AMY2A: variants seen among roughly 807,000 people sequenced by gnomAD.
AMY2A encodes amylase alpha 2A.
In AMY2A, 16 loss-of-function variants were observed where a neutral mutation model predicts 43.0. The observed-to-expected ratio is 0.37, with a 90% CI of 0.25 to 0.56. The LOEUF (loss-of-function observed/expected upper bound fraction) is 0.56. Ranked by LOEUF, AMY2A falls within the 20% of genes least tolerant of loss-of-function variation. The pLI is 0.77. For missense variants in AMY2A, 212 were observed against 456.8 expected, an observed-to-expected ratio of 0.46 and a Z score of 4.89; for synonymous variants, 70 against 144.6, an observed-to-expected ratio of 0.48 and a Z score of 3.70.
rs1342502417 is a variant in AMY2A at position 103,618,870 on chromosome 1, C to T, written c.316-41C>T. 1.8e-5 allele frequency: 12 copies of T among 668,058 alleles called. No individual in the cohort carries two copies. The African/African-American group carries it at 2.0e-4, about 11-fold the overall frequency. The allele number at this position is 668,058 out of a possible 1,614,324, so 41.4% of individuals were successfully genotyped here. ...CATCAATAATGCTTTAAATTTCTAC[C>T]TCTCTGTAAGTCACACTGAAGTAGA... On this transcript the variant is annotated intron_variant, in intron 2 of 9. Transcript: ENST00000414303.
rs528511235 is a variant in AMY2A at position 103,618,374 on chromosome 1, G to A, written c.315+274G>A. On this transcript the variant is annotated intron_variant, in intron 2 of 9. Coordinates refer to ENST00000414303, the MANE Select transcript of AMY2A (RefSeq NM_000699.4). ...ACCCTTATAACTGTTCGTATTTCCC[G>A]GAAACAATTTACTGGTTAGGAAGTA... Among the ~76,000 whole-genome samples the A allele has an allele frequency of 3.9e-4, 58 of 150,576 alleles. 4 individuals carry two copies. The highest frequency in any genetic ancestry group is 3.4e-3 in the Middle Eastern group (1 of 294).
At chr1:103,619,869 T>C (rs1188403951) in intron 4 of AMY2A, 85 bp downstream of exon 4, 2 of 1,563,740 alleles carry the variant, frequency 1.3e-6, no homozygotes, top group East Asian at 2.3e-5. Flanking sequence ...GCAATTTCTG[T>C]AGGATAAGGA....
intron 1 of AMY2A, 25 bp from the exon 2 acceptor site, chr1:103,617,929 C>T (rs371190351): frequency 1.3e-6 from 2 of 1,599,982 alleles, no homozygotes; most frequent in South Asian, 2.2e-5. Flanking sequence ...GAATTTGGTA[C>T]TTATGAAGAC....
At position 103,623,243 on chromosome 1, in the gene AMY2A, AT is replaced by A. The variant is rs1653235011; in HGVS notation, c.1102-622del. Among the ~76,000 whole-genome samples the A allele has an allele frequency of 4.0e-5, 5 of 126,554 alleles. No homozygotes were observed. In the South Asian group the frequency reaches 1.3e-3, roughly 32 times the overall value. The allele number at this position is 126,554 out of a possible 152,430, so 83.0% of individuals were successfully genotyped here. On this transcript the variant is annotated intron_variant, in intron 7 of 9. Coordinates refer to ENST00000414303, the MANE Select transcript of AMY2A (RefSeq NM_000699.4). ...TTCTCAGGTACTAGTAATAGAGCCT[AT>A]GTTTTAATCCTGGTGTTTCTAGTAC... is the stretch of plus-strand genomic sequence containing the variant.
intron 7 of AMY2A, among the ~76,000 whole-genome samples, chr1:103,623,496 T>A: frequency 1.3e-5 from 1 of 79,260 alleles, no homozygotes; most frequent in Non-Finnish European, 2.4e-5. Flanking sequence ...ACACCAACAG[T>A]CTTAGCTACT....
chr1:103,618,216 C>A (rs1653133905), intron 2 of AMY2A, 116 bp downstream of exon 2: 2 of 1,437,748 alleles, frequency 1.4e-6, no homozygotes, highest in Non-Finnish European at 1.9e-6. Context: ...AATTTTACTT[C>A]ATAATTTAAA....
chr1:103,619,957 T>G (rs574008837), intron 4 of AMY2A, 173 bp downstream of exon 4: 35 of 1,376,796 alleles, frequency 2.5e-5, no homozygotes, highest in Middle Eastern at 2.1e-4. Context: ...TATCACAACA[T>G]GTTTTATGGA....
At chr1:103,617,106 C>T (rs777320056), upstream of AMY2A, 104 of 941,690 alleles carry the variant, frequency 1.1e-4, no homozygotes, top group Non-Finnish European at 1.4e-4. Flanking sequence ...TTTTGTATGC[C>T]ATTCTGGATC....
rs775412654 is a variant in AMY2A at position 103,618,120 on chromosome 1, C to T, written c.315+20C>T. The T allele has an allele frequency of 1.9e-6, 3 of 1,589,032 alleles. No homozygotes were observed. Among genetic ancestry groups the T allele is most frequent in the Non-Finnish European group, 8.6e-7 (1 of 1,162,756 alleles). On this transcript the variant is annotated intron_variant, in intron 2 of 9. Transcript: ENST00000414303. ...GTTGGGGTAAGTGAATTCTAGTTTCCTTTAAAAATAACAGACAGGAAAATG... is the reference window on the plus strand; with the variant it reads ...GTTGGGGTAAGTGAATTCTAGTTTCTTTTAAAAATAACAGACAGGAAAATG...
rs774642692 is a variant in AMY2A at position 103,617,523 on chromosome 1, T to C, written c.83T>C (p.Ile28Thr). Residue 28 changes from isoleucine to threonine, a missense_variant, in exon 1 of 10, where the codon ATT (isoleucine) becomes ACT (threonine). By Grantham distance (89) the Ile-to-Thr change is moderately conservative. Around this residue, in one of 2 missense-constraint regions of AMY2A, gnomAD observed 199 missense variants for 210.6 expected, o/e 0.94. Transcript: ENST00000414303. ...AATACACAACAAGGACGGACATCTA[T>C]TGTTCATCTGTTTGAATGGCGATGG... ...SPNTQQGRTS[I>T]VHLFEWRWVD... The C allele has an allele frequency of 3.1e-6, 5 of 1,600,818 alleles. No individual in the cohort carries two copies. The South Asian group carries it at 5.5e-5, about 18-fold the overall frequency.
chr1:103,616,874 T>C (rs1016461809), upstream of AMY2A: 17 of 529,142 alleles, frequency 3.2e-5, 1 homozygote, highest in Non-Finnish European at 4.2e-5. Context: ...GTGTCAGGGC[T>C]GAGTGTTCTG....
upstream of AMY2A, chr1:103,617,239 C>A: frequency 1.6e-6 from 2 of 1,223,056 alleles, no homozygotes; most frequent in Non-Finnish European, 2.2e-6. Context: ...ACATTAATAT[C>A]TAAAAGGTCA....
rs188424843 is a variant in AMY2A, at chr1:103,618,538, C to T, written c.316-373C>T. 2.7e-5 allele frequency among the ~76,000 whole-genome samples: 4 copies of T among 150,762 alleles called. No individual in the cohort carries two copies. The East Asian group carries it at 7.7e-4, about 29-fold the overall frequency. ...TGAGATTAATAGCTACCTTGTTTGT[C>T]TTCAAAAGCTTCATAGAGAGTACAG... On this transcript the variant is annotated intron_variant, in intron 2 of 9. Transcript: ENST00000414303.
intron 1 of AMY2A, 22 bp downstream of exon 1, chr1:103,617,630 A>G (rs781178207): frequency 2.5e-6 from 4 of 1,600,900 alleles, no homozygotes; most frequent in African/African-American, 1.3e-5. Flanking sequence ...TCATAGTATC[A>G]ATTGCGGAAT....
chr1:103,624,824 C>G lies in AMY2A; in HGVS notation c.1346+603C>G, dbSNP rs977679514. ...CATTATTGGCCTTTCATCTGTGATT[C>G]TTATATGCTTTACCTGAAGCATAAA... On this transcript the variant is annotated intron_variant, in intron 9 of 9. Transcript: ENST00000414303. Among the ~76,000 whole-genome samples the G allele has an allele frequency of 7.0e-5, 9 of 128,752 alleles. 2 individuals are homozygous for G. The highest frequency in any genetic ancestry group is 2.8e-4 in the African/African-American group (9 of 31,762). The allele number at this position is 128,752 out of a possible 152,430, so 84.5% of individuals were successfully genotyped here.
intron 2 of AMY2A, among the ~76,000 whole-genome samples, chr1:103,618,644 C>A (rs1401457296): frequency 6.6e-6 from 1 of 150,608 alleles, no homozygotes; most frequent in Non-Finnish European, 1.5e-5. Flanking sequence ...CCAAAGTGGG[C>A]TTTTTGCATT....
In AMY2A at chr1:103,618,999, AC is replaced by A; in HGVS notation, c.407del (p.Pro136LeufsTer42). On this transcript the variant is annotated frameshift_variant, in exon 3 of 10. Transcript: ENST00000414303. LOFTEE classifies it high-confidence loss of function. Reference sequence around the variant, plus strand: ...AGCAGTACCTGTGGAAGTTACTTCAACCCTGGAAGTAGGGACTTTCCAGCAG... The same window carrying A: ...AGCAGTACCTGTGGAAGTTACTTCAACCTGGAAGTAGGGACTTTCCAGCAG... Reference protein sequence around the residue: ...GTSSTCGSYFNPGSRDFPAVP... With the variant: ...GTSSTCGSYFXPGSRDFPAVP... The A allele has an allele frequency of 1.5e-6, 2 of 1,373,944 alleles. No individual in the cohort carries two copies. The highest frequency in any genetic ancestry group is 1.5e-5 in the African/African-American group (1 of 65,634). 85.1% of individuals were successfully genotyped at this position (1,373,944 alleles called of 1,614,324 possible). A position where few individuals can be genotyped will look rare whatever the true frequency, so the allele number is the denominator to read the frequency against.
chr1:103,617,530 T>C lies in AMY2A; in HGVS notation c.90T>C (p.His30=). The C allele has an allele frequency of 3.1e-6, 5 of 1,600,900 alleles. No individual in the cohort carries two copies. The highest frequency in any genetic ancestry group is 4.3e-6 in the Non-Finnish European group (5 of 1,170,874). The change falls in exon 1 of 10, where the codon CAT becomes CAC. Residue 30 remains histidine (H), a synonymous_variant. Coordinates refer to ENST00000414303, the MANE Select transcript of AMY2A (RefSeq NM_000699.4). ...AACAAGGACGGACATCTATTGTTCA[T>C]CTGTTTGAATGGCGATGGGTTGATA... ...NTQQGRTSIV[H]LFEWRWVDIA... is the part of the protein sequence containing the mutation.
In AMY2A at chr1:103,617,633, T is replaced by C. The variant is rs755910118; in HGVS notation, c.168+25T>C. The stretch of plus-strand genomic sequence containing the variant: ...GGTGGGTATGATTCATAGTATCAAT[T>C]GCGGAATTCACTGTGCTTGTAGGAA... On this transcript the variant is annotated intron_variant, in intron 1 of 9. Coordinates refer to ENST00000414303, the MANE Select transcript of AMY2A (RefSeq NM_000699.4). 9 of 1,601,006 alleles carry C rather than the reference T, an allele frequency of 5.6e-6. 2 individuals are homozygous for C. Among genetic ancestry groups the C allele is most frequent in the Admixed American group, 3.3e-5 (2 of 59,752 alleles).
Sources: gnomAD v4.1 joint callset for allele counts (sites outside exome capture counted in the v4.1 genomes callset) on GRCh38, gnomAD v4.1.1 for gene constraint, gnomAD v4.1.1 regional missense constraint, MANE v1.5 for transcripts, NCBI Gene and HGNC (gene_info 2026-07-23, HGNC 2026-07-21) for gene names.